Variants in NLGN1 observed in about 807,000 individuals in gnomAD.
NLGN1 encodes neuroligin 1.
NLGN1 carries 12 observed loss-of-function variants against 65.5 expected under a neutral mutation model. The observed-to-expected ratio is 0.18, with a 90% CI of 0.12 to 0.30. The LOEUF (loss-of-function observed/expected upper bound fraction) is 0.30, where lower values mean the gene tolerates loss of function less well. NLGN1 is among the 10% of genes least tolerant of loss of function. The pLI is 1.00. For synonymous variants in NLGN1, 350 were observed against 359.5 expected (o/e 0.97, Z 0.30); for missense variants, 750 against 1,007.1 (o/e 0.74, Z 3.46).
chr3:173,496,329 C>G (rs1730023234), intron 2 of NLGN1, among the ~76,000 whole-genome samples: 1 of 151,846 alleles, frequency 6.6e-6, no homozygotes, highest in South Asian at 2.1e-4. Flanking sequence ...ATACTGGGGA[C>G]AGGTGAAGGT....
chr3:173,820,179 GAAA>G (rs63081662), intron 4 of NLGN1, among the ~76,000 whole-genome samples: 17,569 of 136,748 alleles, frequency 0.13, 1,258 homozygotes, highest in African/African-American at 0.18. Context: ...ATTCAGTCTC[GAAA>G]AAAAAAAAAA....
chr3:174,034,658 T>C (rs907325097), intron 4 of NLGN1, among the ~76,000 whole-genome samples: 1 of 151,964 alleles, frequency 6.6e-6, no homozygotes, highest in Admixed American at 6.6e-5. Flanking sequence ...AACTCTAAGC[T>C]AAACACTAAT....
At position 173,812,359 on chromosome 3, in the gene NLGN1, A is replaced by T. The variant is rs1409536977; in HGVS notation, c.646+4527A>T. Among the ~76,000 whole-genome samples, 8 of 152,236 alleles carry T rather than the reference A, an allele frequency of 5.3e-5. No individual in the cohort carries two copies. In the Middle Eastern group the frequency reaches 0.017, roughly 324 times the overall value. On this transcript the variant is annotated intron_variant, in intron 4 of 6. Coordinates refer to ENST00000457714, the Ensembl canonical transcript of NLGN1. ...TATTCTATTAGATATGGTTAATGAA[A>T]TTTTTTGATTCTTAAAATTAGACTA...
chr3:173,878,876 C>T (rs964986240), intron 4 of NLGN1, among the ~76,000 whole-genome samples: 1 of 151,926 alleles, frequency 6.6e-6, no homozygotes, highest in African/African-American at 2.4e-5. Flanking sequence ...ATATTTACAC[C>T]TTTTGACTCA....
intron 4 of NLGN1, among the ~76,000 whole-genome samples, chr3:174,047,432 T>A (rs1336613966): frequency 6.6e-6 from 1 of 152,064 alleles, no homozygotes; most frequent in Non-Finnish European, 1.5e-5. Flanking sequence ...GAATTAAAGT[T>A]TAGTGACAAA....
chr3:173,627,162 T>C (rs1754951920), intron 3 of NLGN1, among the ~76,000 whole-genome samples: 1 of 152,132 alleles, frequency 6.6e-6, no homozygotes, highest in Non-Finnish European at 1.5e-5. Flanking sequence ...AAAATTTGTA[T>C]GCATTTAAGG....
At chr3:174,200,811 A>G (rs895128930) in intron 4 of NLGN1, among the ~76,000 whole-genome samples, 1 of 152,154 alleles carries the variant, frequency 6.6e-6, no homozygotes, top group Non-Finnish European at 1.5e-5. Flanking sequence ...TTCCTCCTCC[A>G]CTATATATTT....
intron 2 of NLGN1, among the ~76,000 whole-genome samples, chr3:173,562,989 A>G (rs1039373478): frequency 4.6e-5 from 7 of 152,270 alleles, no homozygotes; most frequent in South Asian, 4.1e-4. Context: ...ACCCACACAC[A>G]TACACACAAA....
chr3:173,720,423 T>A (rs1770644390), intron 3 of NLGN1, among the ~76,000 whole-genome samples: 3 of 152,168 alleles, frequency 2.0e-5, no homozygotes, highest in African/African-American at 7.2e-5. Flanking sequence ...CTGTGTGACA[T>A]GAAAACAAAG....
chr3:173,570,729 A>C (rs1282077053), intron 2 of NLGN1, among the ~76,000 whole-genome samples: 1 of 152,080 alleles, frequency 6.6e-6, no homozygotes, highest in African/African-American at 2.4e-5. Flanking sequence ...TTTAAGAGAG[A>C]GTCTCACTCT....
intron 3 of NLGN1, chr3:173,800,328 G>T: frequency 8.2e-7 from 1 of 1,215,778 alleles, no homozygotes; most frequent in Non-Finnish European, 1.1e-6. Flanking sequence ...TGATTTAGGT[G>T]ATAATGACGG....
chr3:173,634,099 C>T (rs1350778982), intron 3 of NLGN1, among the ~76,000 whole-genome samples: 1 of 151,936 alleles, frequency 6.6e-6, no homozygotes, highest in African/African-American at 2.4e-5. Flanking sequence ...TAATTAAAAA[C>T]ATTATGGGAT....
chr3:174,237,244 G>C (rs1741883993), intron 4 of NLGN1, among the ~76,000 whole-genome samples: 1 of 152,038 alleles, frequency 6.6e-6, no homozygotes, highest in Non-Finnish European at 1.5e-5. Flanking sequence ...TATGTGTTTA[G>C]ACCTGAAAGC....
At chr3:173,735,905 T>C (rs1028403365) in intron 3 of NLGN1, among the ~76,000 whole-genome samples, 5 of 152,088 alleles carry the variant, frequency 3.3e-5, no homozygotes, top group African/African-American at 9.7e-5. Context: ...CTTTTTTGTG[T>C]TGTGAGTCAT....
intron 4 of NLGN1, among the ~76,000 whole-genome samples, chr3:174,125,615 G>A (rs1014240195): frequency 5.3e-5 from 8 of 152,044 alleles, no homozygotes; most frequent in Non-Finnish European, 8.8e-5. Context: ...ATTCCAGTTC[G>A]GAACTCAAAG....
At chr3:173,401,106 A>G (rs1717601845) in intron 1 of NLGN1, among the ~76,000 whole-genome samples, 1 of 152,122 alleles carries the variant, frequency 6.6e-6, no homozygotes, top group Non-Finnish European at 1.5e-5. Flanking sequence ...CTCAGCTTTG[A>G]CACTGTTGTC....
At chr3:173,701,110 C>T (rs2149880746) in intron 3 of NLGN1, among the ~76,000 whole-genome samples, 2 of 152,182 alleles carry the variant, frequency 1.3e-5, no homozygotes, top group Middle Eastern at 3.4e-3. Context: ...GCCTGGGTGA[C>T]ACAGCGAGAC....
At chr3:173,400,597 T>C (rs1717492441) in intron 1 of NLGN1, among the ~76,000 whole-genome samples, 2 of 152,170 alleles carry the variant, frequency 1.3e-5, no homozygotes, top group South Asian at 2.1e-4. Context: ...AAAAACATTT[T>C]AGTTCCTTGG....
Position 174,088,152 on chromosome 3 carries a change from C to T in NLGN1, c.647-187163C>T, listed in dbSNP as rs114275711. ...AAAAAACATTCATTTTGCTTCAAAA[C>T]TTATTTTGTATTGACATTAGTAACA... is the stretch of plus-strand genomic sequence containing the variant. On this transcript the variant is annotated intron_variant, in intron 4 of 6. Coordinates refer to ENST00000457714, the Ensembl canonical transcript of NLGN1. Among the ~76,000 whole-genome samples, 956 of 152,218 alleles carry T rather than the reference C, an allele frequency of 6.3e-3. 22 individuals carry two copies. The highest frequency in any genetic ancestry group is 0.037 in the East Asian group (192 of 5,178).
Sources: gnomAD v4.1 joint callset for allele counts (sites outside exome capture counted in the v4.1 genomes callset) on GRCh38, gnomAD v4.1.1 for gene constraint, MANE v1.5 for transcripts, NCBI Gene and HGNC (gene_info 2026-07-23, HGNC 2026-07-21) for gene names.